Variants in FSIP1 observed in about 807,000 individuals in gnomAD.
FSIP1 encodes the protein fibrous sheath interacting protein 1, also known as fibrous sheath-interacting protein 1.
In FSIP1, 65 loss-of-function variants were observed where a neutral mutation model predicts 60.9. The observed-to-expected ratio is 1.07, with a 90% CI of 0.87 to 1.31. The LOEUF is 1.31. Among genes scored for constraint, FSIP1 ranks in the 40% most tolerant of loss-of-function variants. The pLI is 0.00. For synonymous variants in FSIP1, 209 were observed against 221.2 expected (o/e 0.94, Z 0.49); for missense variants, 675 against 665.5 (o/e 1.01, Z -0.16).
intron 10 of FSIP1, among the ~76,000 whole-genome samples, chr15:39,668,185 A>T (rs1385646632): frequency 4.3e-5 from 6 of 140,306 alleles, no homozygotes; most frequent in Non-Finnish European, 9.3e-5. Context: ...CTTCTAATGA[A>T]CTATATCATT....
intron 10 of FSIP1, among the ~76,000 whole-genome samples, chr15:39,708,292 G>A (rs561361128): frequency 1.3e-5 from 2 of 152,212 alleles, no homozygotes; most frequent in African/African-American, 4.8e-5. Context: ...GCTTATGCCT[G>A]AGACACTCAC....
intron 10 of FSIP1, among the ~76,000 whole-genome samples, chr15:39,693,846 G>C (rs1894704141): frequency 6.6e-6 from 1 of 152,090 alleles, no homozygotes; most frequent in African/African-American, 2.4e-5. Context: ...TAACAATAGA[G>C]GTAGTGATAG....
At chr15:39,683,189 T>A (rs1174936746) in intron 10 of FSIP1, among the ~76,000 whole-genome samples, 2 of 152,122 alleles carry the variant, frequency 1.3e-5, no homozygotes. Context: ...TGCTGGCTGG[T>A]CCCTTATTAG....
chr15:39,711,516 G>A (rs374384287), intron 10 of FSIP1, among the ~76,000 whole-genome samples: 11 of 151,996 alleles, frequency 7.2e-5, no homozygotes, highest in South Asian at 2.1e-4. Context: ...GGCTTAGCCC[G>A]CCTTGGATTG....
chr15:39,778,930 T>G (rs1419507174), intron 1 of FSIP1, among the ~76,000 whole-genome samples: 1 of 152,136 alleles, frequency 6.6e-6, no homozygotes. Context: ...ATAAATTTCA[T>G]AATTATGGAA....
At chr15:39,618,418 C>T (rs147934637) in intron 10 of FSIP1, among the ~76,000 whole-genome samples, 173 bp from the exon 11 acceptor site, 1 of 152,204 alleles carries the variant, frequency 6.6e-6, no homozygotes, top group East Asian at 1.9e-4. Flanking sequence ...TGTCATAATC[C>T]TGGCAAAATC....
At chr15:39,776,095 C>T (rs1251473758) in intron 2 of FSIP1, among the ~76,000 whole-genome samples, 2 of 145,206 alleles carry the variant, frequency 1.4e-5, no homozygotes, top group African/African-American at 5.1e-5. Flanking sequence ...AAATAAACCA[C>T]ACTCCAAAAA....
At position 39,694,321 on chromosome 15, in the gene FSIP1, C is replaced by T. The variant is rs192420995; in HGVS notation, c.1188+19123G>A. 4.0e-3 allele frequency among the ~76,000 whole-genome samples: 614 copies of T among 152,074 alleles called. 2 individuals carry two copies. Among genetic ancestry groups the T allele is most frequent in the Non-Finnish European group, 6.1e-3 (413 of 67,966 alleles). On this transcript the variant is annotated intron_variant, in intron 10 of 11. Coordinates refer to ENST00000350221, the MANE Select transcript of FSIP1 (RefSeq NM_152597.5). ...ATCAAGAATATAGAAATCAGAATATCAAAGTTTTAAGAATTATGAAATTTG... is the reference window on the plus strand; with the variant it reads ...ATCAAGAATATAGAAATCAGAATATTAAAGTTTTAAGAATTATGAAATTTG...
chr15:39,769,184 C>G (rs1309153447), intron 3 of FSIP1, among the ~76,000 whole-genome samples: 4 of 150,774 alleles, frequency 2.7e-5, no homozygotes, highest in Admixed American at 1.3e-4. Flanking sequence ...GAGGCTGAGG[C>G]AGGAGAATGG....
At chr15:39,602,414 G>A (rs1890674181) in intron 11 of FSIP1, 1 of 454,426 alleles carries the variant, frequency 2.2e-6, no homozygotes, top group Admixed American at 2.4e-5. Flanking sequence ...AAAACTGTGA[G>A]AGAATAAATT....
chr15:39,669,967 G>A (rs957338905), intron 10 of FSIP1, among the ~76,000 whole-genome samples: 2 of 152,182 alleles, frequency 1.3e-5, no homozygotes, highest in African/African-American at 4.8e-5. Context: ...TTCTGGAAAA[G>A]TATTTCTTCC....
At chr15:39,638,630 T>C (rs1892228821) in intron 10 of FSIP1, among the ~76,000 whole-genome samples, 1 of 152,210 alleles carries the variant, frequency 6.6e-6, no homozygotes, top group South Asian at 2.1e-4. Context: ...ATGCATCCAT[T>C]TCACTGTGTG....
In FSIP1 at chr15:39,738,197, G is replaced by A; in HGVS notation, c.785C>T (p.Ala262Val). Residue 262 changes from alanine (A) to valine (V), a missense_variant, in exon 8 of 12, where the codon GCC becomes GTC. Physicochemically the swap from Ala to Val is moderately conservative, Grantham distance 64. Transcript: ENST00000350221. ...QDFIKRNIELAKESRNPVVMV... is the reference protein window; with the variant it reads ...QDFIKRNIELVKESRNPVVMV... ...AACCACTGGGTTTCTTGATTCCTTG[G>A]CCAACTACAGAATTTATTAATGGAA... The A allele has an allele frequency of 6.3e-7, 1 of 1,593,606 alleles. No individual in the cohort carries two copies. The highest frequency in any genetic ancestry group is 1.7e-4 in the Middle Eastern group (1 of 6,012).
At chr15:39,714,357 G>A (rs573065074) in intron 9 of FSIP1, among the ~76,000 whole-genome samples, 43 of 152,012 alleles carry the variant, frequency 2.8e-4, no homozygotes, top group African/African-American at 1.0e-3. Context: ...CTGTATCTAA[G>A]ATTAAACTTC....
intron 10 of FSIP1, among the ~76,000 whole-genome samples, chr15:39,682,502 C>A (rs7179013): frequency 0.31 from 47,118 of 152,120 alleles, 8,295 homozygotes; most frequent in South Asian, 0.46. Context: ...ATTCTCACTG[C>A]TCCCCAGGAA....
chr15:39,612,952 A>G (rs1276516747), intron 11 of FSIP1, among the ~76,000 whole-genome samples: 1 of 152,130 alleles, frequency 6.6e-6, no homozygotes, highest in Non-Finnish European at 1.5e-5. Context: ...CAGCCATCAT[A>G]ATGAATGATT....
At chr15:39,743,137 G>A (rs1896861067) in intron 5 of FSIP1, among the ~76,000 whole-genome samples, 1 of 152,050 alleles carries the variant, frequency 6.6e-6, no homozygotes, top group Admixed American at 6.5e-5. Flanking sequence ...TATGATAACA[G>A]TTTACTCAAT....
intron 10 of FSIP1, among the ~76,000 whole-genome samples, chr15:39,686,831 T>C (rs1253209415): frequency 6.6e-6 from 1 of 152,268 alleles, no homozygotes; most frequent in African/African-American, 2.4e-5. Context: ...AGGGAAAGTC[T>C]GAGTAATGGG....
intron 9 of FSIP1, among the ~76,000 whole-genome samples, chr15:39,714,025 G>T (rs939205798): frequency 6.6e-6 from 1 of 152,200 alleles, no homozygotes; most frequent in Non-Finnish European, 1.5e-5. Flanking sequence ...CAGGAGTTTT[G>T]AATCTTTGCC....
Sources: gnomAD v4.1 joint callset for allele counts (sites outside exome capture counted in the v4.1 genomes callset) on GRCh38, gnomAD v4.1.1 for gene constraint, MANE v1.5 for transcripts, NCBI Gene and HGNC (gene_info 2026-07-23, HGNC 2026-07-21) for gene names.